IRAK3: variants seen among roughly 807,000 people sequenced by gnomAD.
IRAK3 encodes interleukin 1 receptor associated kinase 3, also known as interleukin-1 receptor-associated kinase 3.
In IRAK3, 57 loss-of-function variants were observed where a neutral mutation model predicts 56.6. The ratio of observed to expected loss-of-function variants is 1.01; its 90% CI spans 0.81 to 1.26. IRAK3 has a LOEUF of 1.26. IRAK3 is among the 50% of genes most tolerant of loss of function. IRAK3 has a pLI of 0.00. For missense variants in IRAK3, 703 were observed against 719.0 expected (o/e 0.98, Z 0.25); for synonymous variants, 258 against 255.7 (o/e 1.01, Z -0.09).
At chr12:66,211,819 G>T (rs1344635027) in intron 5 of IRAK3, among the ~76,000 whole-genome samples, 1 of 152,174 alleles carries the variant, frequency 6.6e-6, no homozygotes, top group South Asian at 2.1e-4. Flanking sequence ...TAGCATGAAA[G>T]ACTTTTCTGG....
intron 6 of IRAK3, among the ~76,000 whole-genome samples, chr12:66,217,642 T>A (rs1480589150): frequency 6.6e-6 from 1 of 152,166 alleles, no homozygotes; most frequent in Non-Finnish European, 1.5e-5. Flanking sequence ...GCTTTTGATG[T>A]GCATATTATT....
At chr12:66,234,899 A>G in intron 8 of IRAK3, 4 of 1,614,156 alleles carry the variant, frequency 2.5e-6, no homozygotes, top group Non-Finnish European at 3.4e-6. Context: ...TTGCTTTGCC[A>G]TTTGAGCTTG....
At chr12:66,222,933 AAG>A (rs1228543184) in intron 6 of IRAK3, among the ~76,000 whole-genome samples, 5 of 152,078 alleles carry the variant, frequency 3.3e-5, no homozygotes, top group African/African-American at 1.2e-4. Flanking sequence ...TGAGTCCGAA[AAG>A]AGAGTCAGCG....
rs1196722673 is a variant in IRAK3, at chr12:66,251,135, T to C, written c.*2964T>C. 4 of 152,316 alleles carry C rather than the reference T, an allele frequency of 2.6e-5. No homozygotes were observed. The highest frequency in any genetic ancestry group is 7.2e-5 in the African/African-American group (3 of 41,562). 9.4% of individuals were successfully genotyped at this position (152,316 alleles called of 1,614,324 possible). On this transcript the variant is annotated 3_prime_UTR_variant, in exon 12 of 12. Coordinates refer to ENST00000261233, the MANE Select transcript of IRAK3 (RefSeq NM_007199.3). ...ACCAATCATCTTATTGACTAGACCA[T>C]CTTTCTAGAGTATAACTATTTTGGA...
At chr12:66,190,600 G>A (rs1040896375) in intron 1 of IRAK3, among the ~76,000 whole-genome samples, 1 of 152,108 alleles carries the variant, frequency 6.6e-6, no homozygotes, top group Non-Finnish European at 1.5e-5. Flanking sequence ...AGGTGGGTGT[G>A]GTAAATTAGT....
At chr12:66,202,633 C>A (rs2052519663) in intron 1 of IRAK3, among the ~76,000 whole-genome samples, 1 of 151,002 alleles carries the variant, frequency 6.6e-6, no homozygotes, top group Non-Finnish European at 1.5e-5. Context: ...AAAAAAAAAA[C>A]CCACACAAAT....
At chr12:66,235,206 G>T in intron 8 of IRAK3, 1 of 1,612,866 alleles carries the variant, frequency 6.2e-7, no homozygotes, top group Non-Finnish European at 8.5e-7. Flanking sequence ...GGGTGGGCTG[G>T]GACCAGAGAC....
At chr12:66,192,952 TTC>T (rs2052412850) in intron 1 of IRAK3, among the ~76,000 whole-genome samples, 1 of 152,138 alleles carries the variant, frequency 6.6e-6, no homozygotes, top group African/African-American at 2.4e-5. Context: ...ATATTCTATG[TTC>T]TTTTTTTCTT....
Position 66,248,014 on chromosome 12 carries a change from C to T in IRAK3, c.1634C>T (p.Pro545Leu), listed in dbSNP as rs150402157. 1.9e-6 allele frequency: 3 copies of T among 1,598,652 alleles called. No individual in the cohort carries two copies. Among genetic ancestry groups the T allele is most frequent in the Admixed American group, 3.5e-5 (2 of 57,512 alleles). Residue 545 changes from proline to leucine, a missense_variant, in exon 12 of 12, where the codon CCA becomes CTA. Physicochemically the swap from Pro to Leu is moderately conservative, Grantham distance 98 (BLOSUM62 -3). Transcript: ENST00000261233. ...PSSSCEESWF[P>L]KYIVPSQDLR... ...TCTTCTTGTGAAGAAAGTTGGTTCCCAAAGTATATAGTTCCATCCCAGGAC... is the reference window on the plus strand; with the variant it reads ...TCTTCTTGTGAAGAAAGTTGGTTCCTAAAGTATATAGTTCCATCCCAGGAC...
chr12:66,235,051 G>C (rs2052888074), intron 8 of IRAK3: 1 of 1,613,246 alleles, frequency 6.2e-7, no homozygotes, highest in African/African-American at 1.3e-5. Context: ...ATGGTTGACA[G>C]AGCTTCACCA....
Position 66,189,289 on chromosome 12 carries a change from G to A in IRAK3, c.-11G>A. ...ACTCCGCCTCGTCCCCGGGGCTCGG[G>A]CAGCCGAGCCATGGCGGGGAACTGT... On this transcript the variant is annotated 5_prime_UTR_variant, in exon 1 of 12. Coordinates refer to ENST00000261233, the MANE Select transcript of IRAK3 (RefSeq NM_007199.3). 2 of 1,535,430 alleles carry A rather than the reference G, an allele frequency of 1.3e-6. No individual in the cohort carries two copies. The highest frequency in any genetic ancestry group is 2.7e-5 in the African/African-American group (2 of 73,188).
intron 7 of IRAK3, among the ~76,000 whole-genome samples, chr12:66,227,443 T>C (rs2052798103): frequency 6.6e-6 from 1 of 151,864 alleles, no homozygotes. Flanking sequence ...ATACAAAAAT[T>C]AGCCAGGCAC....
Position 66,245,159 on chromosome 12 carries a change from A to G in IRAK3, c.1211A>G (p.Asp404Gly). ...RGLDSCLSFL[D>G]KKVPPCPRNF... ...CTGGATTCATGTCTCTCATTTCTAG[A>G]TAAGAAAGTGCCTCCCTGCCCTCGG... The change falls in exon 11 of 12, where the codon GAT (aspartate) becomes GGT (glycine). Residue 404 changes from aspartate to glycine, a missense_variant. By Grantham distance (94) the Asp-to-Gly change is moderately conservative. Coordinates refer to ENST00000261233, the MANE Select transcript of IRAK3 (RefSeq NM_007199.3). 6.2e-7 allele frequency: 1 copy of G among 1,614,134 alleles called. No individual in the cohort carries two copies. The highest frequency in any genetic ancestry group is 8.5e-7 in the Non-Finnish European group (1 of 1,180,016).
Position 66,252,327 on chromosome 12 carries a change from T to C in IRAK3, c.*4156T>C, listed in dbSNP as rs1211414730. 6.6e-6 allele frequency: 1 copy of C among 152,230 alleles called. No individual in the cohort carries two copies. The highest frequency in any genetic ancestry group is 1.5e-5 in the Non-Finnish European group (1 of 68,038). The allele number at this position is 152,230 out of a possible 1,614,324, so 9.4% of individuals were successfully genotyped here. ...AACTCACATTTGTCTGACTTCAAAA[T>C]CCATGCTTTTTCTTGTGTTCCAAAT... On this transcript the variant is annotated 3_prime_UTR_variant, in exon 12 of 12. Transcript: ENST00000261233.
chr12:66,203,286 T>C (rs1427532138), intron 1 of IRAK3, among the ~76,000 whole-genome samples: 1 of 152,160 alleles, frequency 6.6e-6, no homozygotes, highest in African/African-American at 2.4e-5. Context: ...TGATAAGACA[T>C]TGCTATCTTA....
In IRAK3 at chr12:66,248,098, G is replaced by A; in HGVS notation, c.1718G>A (p.Arg573Lys). 1 of 1,603,170 alleles carries A rather than the reference G, an allele frequency of 6.2e-7. No homozygotes were observed. Among genetic ancestry groups the A allele is most frequent in the Non-Finnish European group, 8.5e-7 (1 of 1,176,102 alleles). The change falls in exon 12 of 12, where the codon AGG (arginine) becomes AAG (lysine). Residue 573 changes from arginine to lysine, a missense_variant. Arg to Lys is a conservative substitution (Grantham distance 26). Transcript: ENST00000261233. Reference protein sequence around the residue: ...PSSEAPGHSCRSRPVESSCSS... With the variant: ...PSSEAPGHSCKSRPVESSCSS... Reference sequence around the variant, plus strand: ...TCAGAAGCTCCAGGGCATTCTTGCAGGAGCAGGCCAGTGGAGAGCAGCTGT... The same window carrying A: ...TCAGAAGCTCCAGGGCATTCTTGCAAGAGCAGGCCAGTGGAGAGCAGCTGT...
chr12:66,205,126 A>C (rs781331351), intron 2 of IRAK3, among the ~76,000 whole-genome samples: 2 of 152,212 alleles, frequency 1.3e-5, no homozygotes, highest in African/African-American at 2.4e-5. Context: ...TGCTGTTCAC[A>C]ATACAAACTT....
intron 8 of IRAK3, among the ~76,000 whole-genome samples, chr12:66,232,488 T>G (rs1186242669): frequency 1.3e-5 from 2 of 152,312 alleles, no homozygotes; most frequent in Non-Finnish European, 2.9e-5. Context: ...ACCTGTTCTC[T>G]AGAAGCTGGA....
At chr12:66,202,527 T>A (rs1424645904) in intron 1 of IRAK3, among the ~76,000 whole-genome samples, 5 of 152,050 alleles carry the variant, frequency 3.3e-5, no homozygotes, top group Non-Finnish European at 7.4e-5. Flanking sequence ...ATCCCAGCAC[T>A]TTGGAAGGCC....
Sources: gnomAD v4.1 joint callset for allele counts (sites outside exome capture counted in the v4.1 genomes callset) on GRCh38, gnomAD v4.1.1 for gene constraint, MANE v1.5 for transcripts, NCBI Gene and HGNC (gene_info 2026-07-23, HGNC 2026-07-21) for gene names.